Variants in NBAS observed in about 807,000 individuals in gnomAD.
NBAS encodes the protein NBAS subunit of NRZ tethering complex, also known as NAG/BC035112 fusion.
In NBAS, 219 loss-of-function variants were observed where a neutral mutation model predicts 302.5. The ratio of observed to expected loss-of-function variants is 0.72; its 90% CI spans 0.65 to 0.81. The LOEUF (loss-of-function observed/expected upper bound fraction) is 0.81. Ranked by LOEUF, NBAS falls within the 30% of genes least tolerant of loss-of-function variation. NBAS has a pLI of 0.00. For synonymous variants in NBAS, 1,118 were observed against 1,021.6 expected (o/e 1.09, Z -1.80); for missense variants, 2,932 against 2,841.6 (o/e 1.03, Z -0.72).
the NBAS span, among the ~76,000 whole-genome samples, chr2:14,847,855 C>T: frequency 1.3e-5 from 2 of 152,274 alleles, no homozygotes; most frequent in East Asian, 3.9e-4. Flanking sequence ...AAATGGATCA[C>T]TCTCAAGGAC....
At position 15,351,976 on chromosome 2, in the gene NBAS, C is replaced by T; in HGVS notation, c.4179+16G>A. On this transcript the variant is annotated intron_variant, in intron 35 of 51. Coordinates refer to ENST00000281513, the MANE Select transcript of NBAS (RefSeq NM_015909.4). ...CTCAGCCACCTTTCAAACTCCGCTCCCTCATTTTAACTTACCTCTTGTACT... is the reference window on the plus strand; with the variant it reads ...CTCAGCCACCTTTCAAACTCCGCTCTCTCATTTTAACTTACCTCTTGTACT... 1 of 1,586,048 alleles carries T rather than the reference C, an allele frequency of 6.3e-7. No homozygotes were observed.
chr2:15,074,456 T>G, the NBAS span, among the ~76,000 whole-genome samples: 479 of 150,776 alleles, frequency 3.2e-3, 2 homozygotes, highest in African/African-American at 0.01. Context: ...GGAGGAAATA[T>G]CAAGGAAAAA....
At chr2:15,376,131 T>C (rs1035925573) in intron 30 of NBAS, among the ~76,000 whole-genome samples, 1 of 152,192 alleles carries the variant, frequency 6.6e-6, no homozygotes, top group African/African-American at 2.4e-5. Flanking sequence ...TATCTATTGC[T>C]TCCTCAACAA....
At chr2:15,556,871 AT>A (rs753412401) in intron 2 of NBAS, 52 bp from the exon 3 acceptor site, 18 of 1,398,966 alleles carry the variant, frequency 1.3e-5, no homozygotes, top group Middle Eastern at 3.5e-4. Flanking sequence ...GTTAAGAATC[AT>A]TTTCAAATTA....
At chr2:15,064,701 G>A in the NBAS span, among the ~76,000 whole-genome samples, 2 of 152,110 alleles carry the variant, frequency 1.3e-5, no homozygotes, top group East Asian at 1.9e-4. Context: ...AAGAGGGAAC[G>A]CTTCCTAAAC....
chr2:15,146,148 T>G, the NBAS span, among the ~76,000 whole-genome samples: 1 of 152,114 alleles, frequency 6.6e-6, no homozygotes, highest in African/African-American at 2.4e-5. Context: ...TGCCACTCAC[T>G]AGCTGTGTGA....
intron 46 of NBAS, among the ~76,000 whole-genome samples, chr2:15,233,284 C>T (rs140445764): frequency 5.5e-4 from 83 of 152,260 alleles, no homozygotes; most frequent in African/African-American, 1.9e-3. Flanking sequence ...TGAATGTCTT[C>T]TGTGTGCCAA....
the NBAS span, among the ~76,000 whole-genome samples, chr2:15,034,578 A>G: frequency 1.3e-5 from 2 of 152,198 alleles, no homozygotes; most frequent in African/African-American, 4.8e-5. Context: ...ATATCCAACT[A>G]CAGAGGATGT....
the NBAS span, among the ~76,000 whole-genome samples, chr2:15,010,841 C>A: frequency 5.9e-5 from 9 of 152,140 alleles, no homozygotes; most frequent in African/African-American, 2.2e-4. Context: ...AAGATTCGAG[C>A]CCACTTTCCA....
chr2:15,341,214 T>C (rs1446115852), intron 35 of NBAS, among the ~76,000 whole-genome samples: 2 of 152,020 alleles, frequency 1.3e-5, no homozygotes, highest in Non-Finnish European at 2.9e-5. Context: ...GGCAAAACCC[T>C]GTCTCTATTA....
chr2:15,257,397 T>A (rs1187620443), intron 44 of NBAS, among the ~76,000 whole-genome samples: 1 of 140,572 alleles, frequency 7.1e-6, no homozygotes, highest in Non-Finnish European at 1.6e-5. Context: ...TCCCATTTAA[T>A]TTCTTTTTTT....
the NBAS span, among the ~76,000 whole-genome samples, chr2:15,035,881 G>GA: frequency 1.3e-5 from 2 of 152,138 alleles, no homozygotes; most frequent in African/African-American, 4.8e-5. Flanking sequence ...AGAACATCAA[G>GA]AAAAATATCT....
At chr2:14,984,187 T>C in the NBAS span, among the ~76,000 whole-genome samples, 2 of 152,232 alleles carry the variant, frequency 1.3e-5, no homozygotes, top group East Asian at 3.9e-4. Flanking sequence ...TGTACCTGGT[T>C]TTCCTTCACT....
rs550832659 is a variant in NBAS, at chr2:15,369,085, G to A, written c.3704-2392C>T. 1.8e-4 allele frequency among the ~76,000 whole-genome samples: 28 copies of A among 152,224 alleles called. 1 individual carries two copies. In the South Asian group the frequency reaches 4.3e-3, roughly 24 times the overall value. On this transcript the variant is annotated intron_variant, in intron 31 of 51. Coordinates refer to ENST00000281513, the MANE Select transcript of NBAS (RefSeq NM_015909.4). ...GCTTTTTCCAGATTCAGTAACATATGATAATTGTGAGATAGGTACTTTTAA... is the reference window on the plus strand; with the variant it reads ...GCTTTTTCCAGATTCAGTAACATATAATAATTGTGAGATAGGTACTTTTAA...
At chr2:15,110,353 C>T in the NBAS span, among the ~76,000 whole-genome samples, 6 of 152,084 alleles carry the variant, frequency 3.9e-5, no homozygotes, top group Non-Finnish European at 8.8e-5. Context: ...ATGCACAAAT[C>T]CCAGGAAAGT....
intron 21 of NBAS, among the ~76,000 whole-genome samples, chr2:15,460,525 C>T (rs916226728): frequency 6.6e-6 from 1 of 152,148 alleles, no homozygotes; most frequent in African/African-American, 2.4e-5. Flanking sequence ...AGGTGCCATT[C>T]AGGCCTGGGG....
intron 23 of NBAS, among the ~76,000 whole-genome samples, chr2:15,422,804 T>C (rs1322251772): frequency 6.6e-6 from 1 of 152,200 alleles, no homozygotes; most frequent in African/African-American, 2.4e-5. Context: ...GATGTATATA[T>C]AAATACTCAA....
intron 44 of NBAS, among the ~76,000 whole-genome samples, chr2:15,253,814 C>A (rs1668464332): frequency 6.6e-6 from 1 of 152,104 alleles, no homozygotes; most frequent in South Asian, 2.1e-4. Flanking sequence ...CAATGGAGAC[C>A]ACCTTTGCAA....
At chr2:14,837,186 A>G in the NBAS span, among the ~76,000 whole-genome samples, 1 of 151,832 alleles carries the variant, frequency 6.6e-6, no homozygotes, top group Non-Finnish European at 1.5e-5. Flanking sequence ...TAGACCTCTC[A>G]GGATTAAGAA....
Sources: allele counts gnomAD v4.1 joint callset (sites outside exome capture counted in the v4.1 genomes callset), GRCh38; gene constraint gnomAD v4.1.1; transcripts MANE v1.5; gene names NCBI Gene and HGNC (gene_info 2026-07-23, HGNC 2026-07-21).